Variants in ADGRL2 observed in about 807,000 individuals in gnomAD.
ADGRL2 encodes calcium-independent alpha-latrotoxin receptor 2.
A neutral mutation model predicts 157.4 loss-of-function variants in ADGRL2; 44 were observed. The ratio of observed to expected loss-of-function variants is 0.28; its 90% CI spans 0.22 to 0.36. The LOEUF (loss-of-function observed/expected upper bound fraction) is 0.36, where lower values mean the gene tolerates loss of function less well. ADGRL2 is among the 10% of genes least tolerant of loss of function. The pLI is 1.00. For missense variants in ADGRL2, 1,510 were observed against 1,768.9 expected (o/e 0.85, Z 2.63); for synonymous variants, 585 against 624.7 (o/e 0.94, Z 0.95).
intron 2 of ADGRL2, among the ~76,000 whole-genome samples, chr1:81,793,891 C>G (rs187724926): frequency 6.6e-6 from 1 of 151,830 alleles, no homozygotes; most frequent in Non-Finnish European, 1.5e-5. Flanking sequence ...TTTGATTACC[C>G]ACAAATTTAT....
At chr1:81,635,612 C>T (rs1436544925) in intron 3 of ADGRL2, among the ~76,000 whole-genome samples, 1 of 152,162 alleles carries the variant, frequency 6.6e-6, no homozygotes, top group Non-Finnish European at 1.5e-5. Flanking sequence ...GCTATGTGCT[C>T]ACAAAACAGA....
chr1:81,786,390 CAACATGGTAAA>C (rs1422136258), intron 2 of ADGRL2, among the ~76,000 whole-genome samples: 1 of 152,116 alleles, frequency 6.6e-6, no homozygotes, highest in Non-Finnish European at 1.5e-5. Flanking sequence ...CCACCCTGGA[CAACATGGTAAA>C]ACCTTGTCTC....
chr1:81,560,657 GT>G (rs771738969), intron 2 of ADGRL2, among the ~76,000 whole-genome samples: 217 of 152,280 alleles, frequency 1.4e-3, no homozygotes, highest in Admixed American at 4.1e-3. Context: ...AAATCAAGAT[GT>G]GTTAGATAAG....
chr1:81,962,395 T>C lies in ADGRL2; in HGVS notation c.2018-3663T>C, dbSNP rs989837368. ...TACTTCTATGTATACTGGACACTAA[T>C]CCTGTAAAGATTATATAGTTTACAG... is the stretch of plus-strand genomic sequence containing the variant. On this transcript the variant is annotated intron_variant, in intron 11 of 23. Transcript: ENST00000686636. Among the ~76,000 whole-genome samples, 4 of 152,162 alleles carry C rather than the reference T, an allele frequency of 2.6e-5. No homozygotes were observed. In the East Asian group the frequency reaches 7.7e-4, roughly 29 times the overall value.
chr1:81,823,312 G>A (rs769018490), intron 1 of ADGRL2, among the ~76,000 whole-genome samples: 19 of 149,306 alleles, frequency 1.3e-4, no homozygotes, highest in African/African-American at 3.0e-4. Context: ...TCTCCTTCCC[G>A]TTTTTTCTCT....
chr1:81,763,501 A>G (rs561397673), intron 2 of ADGRL2, among the ~76,000 whole-genome samples: 4 of 150,586 alleles, frequency 2.7e-5, no homozygotes, highest in African/African-American at 9.8e-5. Context: ...AGGCAAGACA[A>G]TCGTTTGAAC....
At chr1:81,846,057 G>T (rs709705) in intron 2 of ADGRL2, among the ~76,000 whole-genome samples, 150,909 of 151,954 alleles carry the variant, frequency 0.99, 74,950 homozygotes, top group Middle Eastern at 1. Context: ...TTTTATAAGG[G>T]GAAATCTAAG....
At chr1:81,635,381 C>T (rs17456905) in intron 3 of ADGRL2, among the ~76,000 whole-genome samples, 19,074 of 152,192 alleles carry the variant, frequency 0.13, 1,649 homozygotes, top group Non-Finnish European at 0.18. Context: ...GCTCTGCCTT[C>T]GACTTAGAAA....
chr1:81,503,663 G>A (rs2078905699), intron 2 of ADGRL2, among the ~76,000 whole-genome samples: 1 of 152,166 alleles, frequency 6.6e-6, no homozygotes, highest in South Asian at 2.1e-4. Context: ...AGGCTAGAGG[G>A]GCAGGACAGA....
intron 2 of ADGRL2, among the ~76,000 whole-genome samples, chr1:81,570,598 AG>A (rs2080665882): frequency 6.6e-6 from 1 of 152,128 alleles, no homozygotes; most frequent in Non-Finnish European, 1.5e-5. Flanking sequence ...TATGTTGGCC[AG>A]GTTGGTCTCG....
At chr1:81,552,384 C>T (rs2080168070) in intron 2 of ADGRL2, among the ~76,000 whole-genome samples, 1 of 152,008 alleles carries the variant, frequency 6.6e-6, no homozygotes, top group Non-Finnish European at 1.5e-5. Flanking sequence ...ACCTGGATGA[C>T]CTCTCTTTCT....
chr1:81,425,505 G>GCCTA lies in ADGRL2; in HGVS notation c.-301-19530_-301-19527dup, dbSNP rs541784919. Among the ~76,000 whole-genome samples the GCCTA allele has an allele frequency of 2.0e-5, 3 of 152,238 alleles. No individual in the cohort carries two copies. In the South Asian group the frequency reaches 6.2e-4, roughly 32 times the overall value. On this transcript the variant is annotated intron_variant, in intron 1 of 24. Transcript: ENST00000370721. ...ATATGTACCAAAATGAACCCCACAT[G>GCCTA]CCTATGCCTGGCTCATGGCAAGTTT...
chr1:81,390,620 C>G (rs1214628091), intron 1 of ADGRL2, among the ~76,000 whole-genome samples: 6 of 152,286 alleles, frequency 3.9e-5, no homozygotes. Flanking sequence ...CAGAATTTTT[C>G]CATACCTATC....
At chr1:81,927,377 A>G (rs2095131561) in intron 3 of ADGRL2, among the ~76,000 whole-genome samples, 1 of 152,048 alleles carries the variant, frequency 6.6e-6, no homozygotes, top group Non-Finnish European at 1.5e-5. Flanking sequence ...TTAATAATAA[A>G]TGCAATTTTA....
chr1:81,822,173 A>G (rs1289761305), intron 1 of ADGRL2, among the ~76,000 whole-genome samples: 1 of 151,798 alleles, frequency 6.6e-6, no homozygotes, highest in African/African-American at 2.4e-5. Flanking sequence ...GGAGAAAAAA[A>G]AATATGATTT....
chr1:81,838,657 G>A (rs1054640465), intron 2 of ADGRL2, among the ~76,000 whole-genome samples: 1 of 152,056 alleles, frequency 6.6e-6, no homozygotes, highest in African/African-American at 2.4e-5. Flanking sequence ...AAGATTCCAG[G>A]TGTGGACCAA....
At chr1:81,726,161 CTG>C (rs916402619) in intron 1 of ADGRL2, among the ~76,000 whole-genome samples, 14 of 152,304 alleles carry the variant, frequency 9.2e-5, no homozygotes, top group African/African-American at 3.4e-4. Context: ...CTTGGGGAAA[CTG>C]CAGCAGCTCC....
At chr1:81,383,641 A>G (rs1321451895) in intron 1 of ADGRL2, among the ~76,000 whole-genome samples, 3 of 148,578 alleles carry the variant, frequency 2.0e-5, no homozygotes, top group Non-Finnish European at 4.5e-5. Context: ...GGAAAACAAG[A>G]TCTCTCCTAA....
At chr1:81,435,600 C>A (rs978883165) in intron 1 of ADGRL2, among the ~76,000 whole-genome samples, 1 of 152,086 alleles carries the variant, frequency 6.6e-6, no homozygotes, top group Admixed American at 6.6e-5. Flanking sequence ...TTCAAAACAT[C>A]GGGACTATAT....
Sources: allele counts gnomAD v4.1 joint callset (sites outside exome capture counted in the v4.1 genomes callset), GRCh38; gene constraint gnomAD v4.1.1; transcripts MANE v1.5; gene names NCBI Gene and HGNC (gene_info 2026-07-23, HGNC 2026-07-21).